The following NPSR1 variants were observed in gnomAD, a reference collection of about 807,000 sequenced individuals.
NPSR1 encodes the protein neuropeptide S receptor.
A neutral mutation model predicts 46.9 loss-of-function variants in NPSR1; 48 were observed. The ratio of observed to expected loss-of-function variants is 1.02; its 90% CI spans 0.81 to 1.30. NPSR1 has a LOEUF of 1.30. Among genes scored for constraint, NPSR1 ranks in the 50% most tolerant of loss-of-function variants. NPSR1 has a pLI of 0.00. For missense variants in NPSR1, 450 were observed against 449.5 expected (o/e 1.00, Z -0.01); for synonymous variants, 176 against 168.1 (o/e 1.05, Z -0.36).
chr7:34,751,796 C>T, intron 2 of NPSR1: 3 of 1,586,574 alleles, frequency 1.9e-6, no homozygotes, highest in Non-Finnish European at 2.6e-6. Flanking sequence ...CATATCTGGG[C>T]ACAGATCACT....
intron 1 of NPSR1, among the ~76,000 whole-genome samples, chr7:34,671,487 C>T (rs1792054552): frequency 6.6e-6 from 1 of 152,038 alleles, no homozygotes; most frequent in Non-Finnish European, 1.5e-5. Flanking sequence ...AGAAATGAAC[C>T]CAAGCAAGCG....
At chr7:34,814,810 C>G (rs938901876) in intron 4 of NPSR1, among the ~76,000 whole-genome samples, 2 of 152,162 alleles carry the variant, frequency 1.3e-5, no homozygotes, top group African/African-American at 4.8e-5. Flanking sequence ...TCCAACAGAC[C>G]TGCAGCTGAG....
At chr7:34,688,520 C>G (rs1407793375) in intron 2 of NPSR1, among the ~76,000 whole-genome samples, 1 of 152,182 alleles carries the variant, frequency 6.6e-6, no homozygotes, top group Non-Finnish European at 1.5e-5. Context: ...AAAGAACTCC[C>G]TTTCCACACA....
intron 3 of NPSR1, among the ~76,000 whole-genome samples, chr7:34,808,140 C>A (rs1252273719): frequency 6.6e-6 from 1 of 152,168 alleles, no homozygotes; most frequent in Non-Finnish European, 1.5e-5. Context: ...GGACTGCTGG[C>A]AGTCACCCGA....
At position 34,778,553 on chromosome 7, in the gene NPSR1, C is replaced by G. The variant is rs1014481407; in HGVS notation, c.372C>G (p.Val124=). ...CACCTGACCTGGTTTGCCGAGTGGTCCGCTATTTGCAGGTATGTCACACCT... is the reference window on the plus strand; with the variant it reads ...CACCTGACCTGGTTTGCCGAGTGGTGCGCTATTTGCAGGTATGTCACACCT... The part of the protein sequence containing the change: ...FTAPDLVCRV[V]RYLQVVLLYA... The change falls in exon 3 of 9, where the codon GTC becomes GTG. Residue 124 remains valine, a synonymous_variant. Transcript: ENST00000360581. 10 of 1,608,426 alleles carry G rather than the reference C, an allele frequency of 6.2e-6. No individual in the cohort carries two copies. The highest frequency in any genetic ancestry group is 7.7e-6 in the Non-Finnish European group (9 of 1,175,380).
chr7:34,684,504 T>C (rs1216021683), intron 1 of NPSR1, 48 bp from the exon 2 acceptor site: 2 of 1,592,202 alleles, frequency 1.3e-6, no homozygotes, highest in South Asian at 1.1e-5. Flanking sequence ...TGTAAAGAAC[T>C]CCAGTTCTCA....
intron 3 of NPSR1, among the ~76,000 whole-genome samples, chr7:34,791,198 T>C (rs1029386475): frequency 1.0e-5 from 1 of 99,634 alleles, no homozygotes; most frequent in Non-Finnish European, 1.9e-5. Context: ...TTATATGTTA[T>C]ATATTATATT....
At chr7:34,801,763 A>C in intron 3 of NPSR1, among the ~76,000 whole-genome samples, 1 of 148,808 alleles carries the variant, frequency 6.7e-6, no homozygotes, top group East Asian at 2.0e-4. Context: ...CAATTAGGAA[A>C]AGAGGAAGTC....
chr7:34,690,015 T>C (rs10279907), intron 2 of NPSR1, among the ~76,000 whole-genome samples: 2,158 of 149,250 alleles, frequency 0.014, 48 homozygotes, highest in African/African-American at 0.051. Context: ...CACTGGAAAA[T>C]GTAATAAGCC....
chr7:34,743,900 G>A (rs984960941), intron 2 of NPSR1, among the ~76,000 whole-genome samples: 1 of 151,918 alleles, frequency 6.6e-6, no homozygotes, highest in Non-Finnish European at 1.5e-5. Context: ...AATGACATAT[G>A]GTCTAATATA....
At chr7:34,790,139 A>G (rs1422729697) in intron 3 of NPSR1, among the ~76,000 whole-genome samples, 1 of 152,220 alleles carries the variant, frequency 6.6e-6, no homozygotes, top group Middle Eastern at 3.4e-3. Context: ...ACTAGCAAAC[A>G]TATTTCAATA....
intron 4 of NPSR1, among the ~76,000 whole-genome samples, chr7:34,823,417 C>CAAAAAAA (rs79081202): frequency 1.9e-5 from 2 of 103,958 alleles, no homozygotes; most frequent in Non-Finnish European, 3.7e-5. Context: ...AAAAAAAAAA[C>CAAAAAAA]AACACCATAA....
intron 2 of NPSR1, among the ~76,000 whole-genome samples, chr7:34,765,600 A>T (rs1786389895): frequency 6.6e-6 from 1 of 152,210 alleles, no homozygotes; most frequent in South Asian, 2.1e-4. Context: ...CTGTTCTCCC[A>T]AAAGGACGCA....
At chr7:34,673,269 G>A (rs572002882) in intron 1 of NPSR1, among the ~76,000 whole-genome samples, 3 of 152,100 alleles carry the variant, frequency 2.0e-5, no homozygotes, top group Admixed American at 1.3e-4. Context: ...CCTTGTCTTC[G>A]CCTCCCTTTT....
At chr7:34,862,202 A>G (rs910506747) in intron 8 of NPSR1, among the ~76,000 whole-genome samples, 20 of 151,710 alleles carry the variant, frequency 1.3e-4, no homozygotes, top group African/African-American at 4.9e-4. Context: ...GGAGACTGGA[A>G]GCAAGCAAGA....
chr7:34,834,688 A>C (rs564374505), intron 6 of NPSR1, among the ~76,000 whole-genome samples: 19 of 152,338 alleles, frequency 1.2e-4, no homozygotes, highest in African/African-American at 4.3e-4. Context: ...GACCTGGTCA[A>C]GCTATGCCAG....
At chr7:34,826,415 A>C (rs982347774) in intron 4 of NPSR1, among the ~76,000 whole-genome samples, 3 of 152,132 alleles carry the variant, frequency 2.0e-5, no homozygotes, top group Admixed American at 2.0e-4. Context: ...CACACTGTCG[A>C]ACAACACCAC....
At chr7:34,777,509 A>G (rs1467978119) in intron 2 of NPSR1, among the ~76,000 whole-genome samples, 3 of 148,986 alleles carry the variant, frequency 2.0e-5, no homozygotes, top group Non-Finnish European at 4.4e-5. Flanking sequence ...CTACTTCTTC[A>G]GTGCCTCTTT....
chr7:34,742,519 TA>T (rs1784995198), intron 2 of NPSR1, among the ~76,000 whole-genome samples: 1 of 152,262 alleles, frequency 6.6e-6, no homozygotes, highest in Non-Finnish European at 1.5e-5. Flanking sequence ...TATGATTGCA[TA>T]GTATCCCATG....
Sources: allele counts gnomAD v4.1 joint callset (sites outside exome capture counted in the v4.1 genomes callset), GRCh38; gene constraint gnomAD v4.1.1; transcripts MANE v1.5; gene names NCBI Gene and HGNC (gene_info 2026-07-23, HGNC 2026-07-21).